ITGA9: variants seen among roughly 807,000 people sequenced by gnomAD.
The protein encoded by ITGA9 is integrin subunit alpha 9.
ITGA9 carries 56 observed loss-of-function variants against 127.8 expected under a neutral mutation model. That is an observed-to-expected ratio of 0.44 (90% CI 0.35 to 0.55). The LOEUF (loss-of-function observed/expected upper bound fraction) is 0.55. ITGA9 is among the 20% of genes least tolerant of loss of function. The probability of loss-of-function intolerance (pLI) is 0.00; values close to 1 mark genes in which losing one functional copy is unlikely to be tolerated. For missense variants in ITGA9, 1,196 were observed against 1,347.1 expected (o/e 0.89, Z 1.76); for synonymous variants, 508 against 514.5 (o/e 0.99, Z 0.17).
At chr3:37,599,359 G>A (rs1179169825) in intron 15 of ITGA9, among the ~76,000 whole-genome samples, 1 of 152,184 alleles carries the variant, frequency 6.6e-6, no homozygotes, top group African/African-American at 2.4e-5. Flanking sequence ...TTTAGAGTTG[G>A]CTGAGGTGAC....
Position 37,821,358 on chromosome 3 carries a change from C to T in ITGA9, c.*2369C>T, listed in dbSNP as rs1452687728. 3 of 152,192 alleles carry T rather than the reference C, an allele frequency of 2.0e-5. No individual in the cohort carries two copies. The highest frequency in any genetic ancestry group is 7.2e-5 in the African/African-American group (3 of 41,432). 9.4% of individuals were successfully genotyped at this position (152,192 alleles called of 1,614,324 possible). On this transcript the variant is annotated 3_prime_UTR_variant, in exon 28 of 28. Coordinates refer to ENST00000264741, the MANE Select transcript of ITGA9 (RefSeq NM_002207.3). ...TGAGGCCCCTGCTGTGTGTCAGGCA[C>T]TGTGCAAGGTGCTGGAGGTTCCCCA...
chr3:37,661,308 C>T (rs1176286705), intron 17 of ITGA9, among the ~76,000 whole-genome samples: 1 of 152,150 alleles, frequency 6.6e-6, no homozygotes, highest in Admixed American at 6.5e-5. Flanking sequence ...GCCTTTGGAC[C>T]GAAGCTCTCA....
At chr3:37,573,037 C>T (rs1329014904) in intron 15 of ITGA9, 2 of 152,194 alleles carry the variant, frequency 1.3e-5, no homozygotes, top group East Asian at 3.8e-4. Flanking sequence ...GTCTCATTAG[C>T]TTCTGTTAGT....
intron 18 of ITGA9, among the ~76,000 whole-genome samples, chr3:37,719,677 A>G (rs1701170561): frequency 6.6e-6 from 1 of 152,106 alleles, no homozygotes; most frequent in East Asian, 1.9e-4. Context: ...AGTGCAGGAT[A>G]GTTAACGTCC....
chr3:37,560,144 C>T (rs1026730011), intron 15 of ITGA9, among the ~76,000 whole-genome samples: 2 of 151,850 alleles, frequency 1.3e-5, no homozygotes, highest in Non-Finnish European at 2.9e-5. Flanking sequence ...ATGTTCCCTG[C>T]CCTGTGTCCA....
chr3:37,452,329 G>T lies in ITGA9; in HGVS notation c.-46G>T, dbSNP rs1698200205. The T allele has an allele frequency of 9.8e-7, 1 of 1,020,782 alleles. No homozygotes were observed. Among genetic ancestry groups the T allele is most frequent in the African/African-American group, 1.7e-5 (1 of 57,688 alleles). The allele number at this position is 1,020,782 out of a possible 1,614,324, so 63.2% of individuals were successfully genotyped here. On this transcript the variant is annotated 5_prime_UTR_variant, in exon 1 of 28. Transcript: ENST00000264741. The surrounding 1 kb of genome is among the most constrained non-coding windows in gnomAD (Gnocchi z 7.3). Reference sequence around the variant, plus strand: ...GGCGGGCCCCGCGGCCCGCGCGCTCGGCGCCCTGCTCGCCGGGCAGAGGGG... The same window carrying T: ...GGCGGGCCCCGCGGCCCGCGCGCTCTGCGCCCTGCTCGCCGGGCAGAGGGG...
rs531262969 is a variant in ITGA9, at chr3:37,472,389, G to C, written c.314-965G>C. 5.5e-4 allele frequency among the ~76,000 whole-genome samples: 84 copies of C among 152,178 alleles called. 1 individual carries two copies. The highest frequency in any genetic ancestry group is 1.9e-3 in the African/African-American group (78 of 41,546). On this transcript the variant is annotated intron_variant, in intron 2 of 27. Transcript: ENST00000264741. ...TGCATAAAGATTTTCTAATTTTTTTGTTGTTTTTTGTTTGTTTGTTTGTTT... is the reference window on the plus strand; with the variant it reads ...TGCATAAAGATTTTCTAATTTTTTTCTTGTTTTTTGTTTGTTTGTTTGTTT...
At chr3:37,714,688 C>G (rs756029760) in intron 18 of ITGA9, among the ~76,000 whole-genome samples, 1 of 152,214 alleles carries the variant, frequency 6.6e-6, no homozygotes, top group African/African-American at 2.4e-5. Context: ...GGGGCCTGGT[C>G]AGAAAAACAA....
intron 15 of ITGA9, among the ~76,000 whole-genome samples, chr3:37,606,394 G>A (rs536396477): frequency 6.6e-6 from 1 of 152,240 alleles, no homozygotes; most frequent in Admixed American, 6.5e-5. Flanking sequence ...CTGAGCCCTT[G>A]AAATGTGGCT....
At chr3:37,744,159 T>A in intron 22 of ITGA9, 125 bp downstream of exon 22, 1 of 745,284 alleles carries the variant, frequency 1.3e-6, no homozygotes, top group South Asian at 1.4e-5. Context: ...GTGTGGTGTG[T>A]GTGTGAGATC....
At chr3:37,625,591 T>A (rs1700168874) in intron 15 of ITGA9, among the ~76,000 whole-genome samples, 1 of 152,168 alleles carries the variant, frequency 6.6e-6, no homozygotes, top group South Asian at 2.1e-4. Context: ...AATTTTAGAA[T>A]TTTCAGTTTG....
intron 27 of ITGA9, among the ~76,000 whole-genome samples, chr3:37,805,179 T>C (rs1697281279): frequency 6.6e-6 from 1 of 151,992 alleles, no homozygotes; most frequent in Non-Finnish European, 1.5e-5. Flanking sequence ...GCCTCCCAAG[T>C]AGCTGGGACT....
chr3:37,711,772 G>C (rs576583004), intron 18 of ITGA9, among the ~76,000 whole-genome samples: 1 of 152,164 alleles, frequency 6.6e-6, no homozygotes, highest in Admixed American at 6.6e-5. Flanking sequence ...ACTGTACTTA[G>C]GGTCAATGTT....
intron 16 of ITGA9, among the ~76,000 whole-genome samples, chr3:37,637,835 G>A (rs933277383): frequency 1.3e-5 from 2 of 152,066 alleles, no homozygotes; most frequent in Non-Finnish European, 2.9e-5. Flanking sequence ...ACTATGCCTG[G>A]CCAATTTTTG....
At chr3:37,533,590 C>A in intron 14 of ITGA9, 122 bp downstream of exon 14, 1 of 910,804 alleles carries the variant, frequency 1.1e-6, no homozygotes, top group Non-Finnish European at 1.7e-6. Context: ...GGCACACAGG[C>A]TGGACATCCT....
intron 13 of ITGA9, among the ~76,000 whole-genome samples, chr3:37,532,365 C>G (rs983881793): frequency 1.6e-4 from 24 of 152,204 alleles, no homozygotes; most frequent in Non-Finnish European, 1.3e-4. Flanking sequence ...TTCCCATCCG[C>G]CCTATCACCC....
intron 15 of ITGA9, among the ~76,000 whole-genome samples, chr3:37,605,089 AG>A (rs1699955920): frequency 6.6e-6 from 1 of 152,212 alleles, no homozygotes; most frequent in Non-Finnish European, 1.5e-5. Context: ...GGGAATAGCC[AG>A]GGTGACATGT....
At chr3:37,642,151 G>T (rs538484865) in intron 16 of ITGA9, among the ~76,000 whole-genome samples, 1 of 152,064 alleles carries the variant, frequency 6.6e-6, no homozygotes, top group South Asian at 2.1e-4. Context: ...TCCCCATGTT[G>T]CCCAGGCTGG....
In ITGA9 at chr3:37,542,413, A is replaced by C; in HGVS notation, c.1529-12A>C. On this transcript the variant is annotated splice_polypyrimidine_tract_variant and intron_variant, in intron 14 of 27. Transcript: ENST00000264741. ...GTCCTTTCTGACATTTTGACCTCTC[A>C]TTTATTGGCAGGCCTGAATTATGTT... 1 of 1,612,946 alleles carries C rather than the reference A, an allele frequency of 6.2e-7. No homozygotes were observed. The highest frequency in any genetic ancestry group is 2.2e-5 in the East Asian group (1 of 44,870).
Sources: gnomAD v4.1 joint callset for allele counts (sites outside exome capture counted in the v4.1 genomes callset) on GRCh38, gnomAD v4.1.1 for gene constraint, Gnocchi (gnomAD v3.1) non-coding constraint, MANE v1.5 for transcripts, NCBI Gene and HGNC (gene_info 2026-07-23, HGNC 2026-07-21) for gene names.